Variants in GRIK2 observed in about 807,000 individuals in gnomAD.
The protein encoded by GRIK2 is glutamate receptor ionotropic, kainate 2.
Under a neutral mutation model 100.3 loss-of-function variants are expected in GRIK2, and 32 were observed. The observed-to-expected ratio is 0.32, with a 90% CI of 0.24 to 0.43. The LOEUF is 0.43. Among genes scored for constraint, GRIK2 ranks in the 20% least tolerant of loss-of-function variants. The pLI is 1.00. For synonymous variants in GRIK2, 417 were observed against 389.4 expected, an observed-to-expected ratio of 1.07 and a Z score of -0.83; for missense variants, 843 against 1,114.9, an observed-to-expected ratio of 0.76 and a Z score of 3.47.
intron 14 of GRIK2, among the ~76,000 whole-genome samples, chr6:101,977,231 C>CTATGTTATGTTATGTTATGTTATGT (rs58581420): frequency 7.5e-5 from 11 of 146,554 alleles, no homozygotes; most frequent in South Asian, 6.7e-4. Context: ...TTATTAGTGG[C>CTATGTTATGTTATGTTATGTTATGT]TATGTTATGT....
chr6:101,678,696 G>A (rs916032985), intron 5 of GRIK2, among the ~76,000 whole-genome samples: 2 of 152,110 alleles, frequency 1.3e-5, no homozygotes, highest in African/African-American at 4.8e-5. Context: ...ACTGATGTTG[G>A]AACTCCTAAG....
At chr6:101,988,152 CGCGT>C (rs1333967722) in intron 14 of GRIK2, among the ~76,000 whole-genome samples, 10 of 8,472 alleles carry the variant, frequency 1.2e-3, no homozygotes, top group Admixed American at 1.7e-3. Context: ...CGCGCGCGCG[CGCGT>C]GCGCGCACAT....
At chr6:101,446,970 T>G (rs1050343797) in intron 2 of GRIK2, among the ~76,000 whole-genome samples, 39 of 41,958 alleles carry the variant, frequency 9.3e-4, no homozygotes, top group Admixed American at 7.3e-3. Flanking sequence ...CTTATATATT[T>G]ATATATTATA....
intron 2 of GRIK2, among the ~76,000 whole-genome samples, chr6:101,491,623 T>A (rs748332296): frequency 1.9e-4 from 29 of 152,038 alleles, no homozygotes; most frequent in Non-Finnish European, 1.9e-4. Flanking sequence ...TGTCTCTATT[T>A]TCTATCTCAT....
chr6:101,726,058 G>A (rs954732302), intron 7 of GRIK2, among the ~76,000 whole-genome samples: 1 of 151,780 alleles, frequency 6.6e-6, no homozygotes, highest in Admixed American at 6.6e-5. Context: ...GACTTTTCAG[G>A]ACTTTTAAAA....
intron 7 of GRIK2, among the ~76,000 whole-genome samples, chr6:101,747,001 A>C (rs76524395): frequency 6.6e-6 from 1 of 151,956 alleles, no homozygotes; most frequent in Non-Finnish European, 1.5e-5. Flanking sequence ...TATTATTTTT[A>C]TTTTCCCATA....
intron 7 of GRIK2, among the ~76,000 whole-genome samples, chr6:101,753,813 A>T (rs1270171909): frequency 1.3e-5 from 2 of 152,062 alleles, no homozygotes; most frequent in African/African-American, 4.8e-5. Context: ...GTAGCATAGA[A>T]TATATTAAAA....
At chr6:101,995,990 C>T (rs1034162171) in intron 14 of GRIK2, among the ~76,000 whole-genome samples, 7 of 151,872 alleles carry the variant, frequency 4.6e-5, no homozygotes, top group African/African-American at 1.4e-4. Flanking sequence ...AATATAAGAA[C>T]GGCAAGGTCT....
At chr6:102,056,173 G>GT (rs953447324) in intron 16 of GRIK2, among the ~76,000 whole-genome samples, 1 of 151,708 alleles carries the variant, frequency 6.6e-6, no homozygotes, top group Non-Finnish European at 1.5e-5. Flanking sequence ...TCAGTTCTTT[G>GT]TTTTTTTGTA....
chr6:101,658,216 C>A (rs1769340590), intron 4 of GRIK2, among the ~76,000 whole-genome samples: 1 of 152,106 alleles, frequency 6.6e-6, no homozygotes, highest in Non-Finnish European at 1.5e-5. Context: ...GTCCCTCACC[C>A]CCAACAGACC....
chr6:101,587,704 CAATAG>C (rs1003848158), intron 2 of GRIK2, among the ~76,000 whole-genome samples: 14 of 152,062 alleles, frequency 9.2e-5, no homozygotes, highest in Admixed American at 6.6e-5. Flanking sequence ...GGCTAGAAAA[CAATAG>C]AATGGTATCT....
intron 2 of GRIK2, among the ~76,000 whole-genome samples, chr6:101,448,560 T>A (rs2852528): frequency 0.38 from 57,163 of 151,302 alleles, 10,936 homozygotes; most frequent in Admixed American, 0.44. Context: ...AATTTATATA[T>A]TAATGAAATA....
intron 13 of GRIK2, among the ~76,000 whole-genome samples, chr6:101,926,780 GC>G (rs1438388280): frequency 6.6e-6 from 1 of 152,124 alleles, no homozygotes; most frequent in African/African-American, 2.4e-5. Flanking sequence ...ATGACAGTCA[GC>G]CCCTAACCAG....
chr6:101,667,320 A>G (rs548753113), intron 4 of GRIK2, among the ~76,000 whole-genome samples: 2 of 152,312 alleles, frequency 1.3e-5, no homozygotes, highest in East Asian at 3.9e-4. Flanking sequence ...TAGAAAAAAC[A>G]AAAACATAAT....
At chr6:102,013,490 G>A (rs1434802839) in intron 14 of GRIK2, among the ~76,000 whole-genome samples, 1 of 152,108 alleles carries the variant, frequency 6.6e-6, no homozygotes, top group Non-Finnish European at 1.5e-5. Context: ...AGTGGTGAGA[G>A]AGGGCGTCCT....
At chr6:101,806,141 G>T (rs2128416371) in intron 9 of GRIK2, among the ~76,000 whole-genome samples, 1 of 152,114 alleles carries the variant, frequency 6.6e-6, no homozygotes, top group East Asian at 1.9e-4. Context: ...TGGAGGAGGG[G>T]AGGGCAAGAA....
chr6:101,685,815 C>T (rs371483944), intron 6 of GRIK2, among the ~76,000 whole-genome samples: 1 of 151,550 alleles, frequency 6.6e-6, no homozygotes, highest in African/African-American at 2.4e-5. Context: ...AATAACCAGG[C>T]GAGGAAGCAG....
intron 4 of GRIK2, among the ~76,000 whole-genome samples, chr6:101,639,913 C>T (rs942319967): frequency 7.2e-5 from 11 of 152,066 alleles, no homozygotes; most frequent in East Asian, 1.9e-4. Context: ...GCATTAAATG[C>T]GTACTAATAA....
At chr6:101,630,088 A>G (rs1022815092) in intron 4 of GRIK2, among the ~76,000 whole-genome samples, 3 of 152,070 alleles carry the variant, frequency 2.0e-5, no homozygotes, top group Admixed American at 6.6e-5. Context: ...GTGTATATGT[A>G]CCACATTTTC....
Sources: gnomAD v4.1 joint callset for allele counts (sites outside exome capture counted in the v4.1 genomes callset) on GRCh38, gnomAD v4.1.1 for gene constraint, MANE v1.5 for transcripts, NCBI Gene and HGNC (gene_info 2026-07-23, HGNC 2026-07-21) for gene names.